Variants in ASAP1 observed in about 807,000 individuals in gnomAD.
ASAP1 encodes the protein arf-GAP with SH3 domain, ANK repeat and PH domain-containing protein 1.
In ASAP1, 43 loss-of-function variants were observed where a neutral mutation model predicts 145.2. The ratio of observed to expected loss-of-function variants is 0.30; its 90% CI spans 0.23 to 0.38. The LOEUF (loss-of-function observed/expected upper bound fraction) is 0.38, where lower values mean the gene tolerates loss of function less well. Ranked by LOEUF, ASAP1 falls within the 10% of genes least tolerant of loss-of-function variation. The pLI, the probability that ASAP1 is intolerant of heterozygous loss-of-function variation, is 1.00. For synonymous variants in ASAP1, 546 were observed against 515.5 expected, an observed-to-expected ratio of 1.06 and a Z score of -0.80; for missense variants, 1,018 against 1,355.3, an observed-to-expected ratio of 0.75 and a Z score of 3.91.
chr8:130,292,651 T>C (rs181010269), intron 3 of ASAP1, among the ~76,000 whole-genome samples: 44 of 152,314 alleles, frequency 2.9e-4, no homozygotes, highest in Admixed American at 1.7e-3. Context: ...TTCCCTGTTG[T>C]GCACCTACAC....
chr8:130,209,988 C>T (rs918987918), intron 5 of ASAP1, among the ~76,000 whole-genome samples: 1 of 152,196 alleles, frequency 6.6e-6, no homozygotes, highest in African/African-American at 2.4e-5. Context: ...CACGAGCTGA[C>T]AGTTTCCAAA....
intron 3 of ASAP1, among the ~76,000 whole-genome samples, chr8:130,336,635 A>T (rs1825053057): frequency 6.6e-6 from 1 of 152,250 alleles, no homozygotes; most frequent in East Asian, 1.9e-4. Flanking sequence ...GATGCATCAA[A>T]GAGATTCAGA....
At chr8:130,433,454 T>C (rs1830206210) in intron 1 of ASAP1, among the ~76,000 whole-genome samples, 1 of 152,194 alleles carries the variant, frequency 6.6e-6, no homozygotes, top group Non-Finnish European at 1.5e-5. Context: ...CTGGGAGGAC[T>C]CTCTCCCTTC....
chr8:130,226,373 T>G (rs1267812298), intron 4 of ASAP1, among the ~76,000 whole-genome samples: 2 of 152,214 alleles, frequency 1.3e-5, no homozygotes, highest in African/African-American at 4.8e-5. Context: ...AACTGCTGAT[T>G]ATGAGCAAAT....
At chr8:130,222,378 G>A (rs1280206677) in intron 4 of ASAP1, among the ~76,000 whole-genome samples, 3 of 152,204 alleles carry the variant, frequency 2.0e-5, no homozygotes, top group Non-Finnish European at 4.4e-5. Flanking sequence ...ATTAAGCACT[G>A]ACTAAGTAGA....
intron 24 of ASAP1, among the ~76,000 whole-genome samples, chr8:130,107,561 T>TGTA (rs1264499110): frequency 0.01 from 1,507 of 146,288 alleles, 12 homozygotes; most frequent in Middle Eastern, 0.045. Flanking sequence ...TATGTATGTA[T>TGTA]TTTTGAGATA....
chr8:130,247,628 A>G (rs1818930048), intron 3 of ASAP1, among the ~76,000 whole-genome samples: 1 of 152,154 alleles, frequency 6.6e-6, no homozygotes, highest in African/African-American at 2.4e-5. Context: ...AAACAGCTAA[A>G]GAGTAGTTGA....
At chr8:130,150,227 T>C (rs2097642852) in intron 13 of ASAP1, among the ~76,000 whole-genome samples, 1 of 152,212 alleles carries the variant, frequency 6.6e-6, no homozygotes, top group Non-Finnish European at 1.5e-5. Context: ...CTAAACAATG[T>C]GGATGATGTG....
intron 12 of ASAP1, among the ~76,000 whole-genome samples, chr8:130,154,934 T>C (rs945313620): frequency 2.6e-5 from 4 of 152,324 alleles, no homozygotes; most frequent in South Asian, 2.1e-4. Context: ...ATCTCTCAAC[T>C]AATCAGAGCC....
At chr8:130,059,732 G>A (rs190124888) in intron 28 of ASAP1, among the ~76,000 whole-genome samples, 3 of 152,168 alleles carry the variant, frequency 2.0e-5, no homozygotes, top group Admixed American at 1.3e-4. Context: ...CTATTATATC[G>A]AGAGCTTTAT....
chr8:130,187,532 CAG>C (rs2136219598), intron 6 of ASAP1, among the ~76,000 whole-genome samples: 2 of 152,010 alleles, frequency 1.3e-5, no homozygotes, highest in Middle Eastern at 3.4e-3. Flanking sequence ...CTTCCCACCT[CAG>C]CTTCCTGAGT....
chr8:130,233,716 T>C (rs1292750472), intron 4 of ASAP1, among the ~76,000 whole-genome samples: 5 of 152,226 alleles, frequency 3.3e-5, no homozygotes, highest in South Asian at 2.1e-4. Flanking sequence ...CCCAGTTTGA[T>C]GATCTGATTA....
At position 130,071,011 on chromosome 8, in the gene ASAP1, G is replaced by GAGAGAGAGA. The variant is rs1415476694; in HGVS notation, c.2701+5336_2701+5337insTCTCTCTCT. Among the ~76,000 whole-genome samples, 93 of 11,438 alleles carry GAGAGAGAGA rather than the reference G, an allele frequency of 8.1e-3. 21 individuals carry two copies. The highest frequency in any genetic ancestry group is 0.018 in the African/African-American group (40 of 2,234). The allele number at this position is 11,438 out of a possible 152,430, so 7.5% of individuals were successfully genotyped here. ...AGAGAGAGAGAGAGAGGGGAGGGGG[G>GAGAGAGAGA]GAGAGAGAGAGAGAGAGAGAGAGAG... is the stretch of plus-strand genomic sequence containing the variant. On this transcript the variant is annotated intron_variant, in intron 27 of 29. Coordinates refer to ENST00000518721, the MANE Select transcript of ASAP1 (RefSeq NM_018482.4).
intron 25 of ASAP1, among the ~76,000 whole-genome samples, chr8:130,082,431 A>G (rs2097482681): frequency 1.3e-5 from 2 of 150,096 alleles, no homozygotes; most frequent in African/African-American, 2.4e-5. Context: ...TGGACTCCTG[A>G]GACCAACTGA....
At chr8:130,322,118 G>C (rs914602235) in intron 3 of ASAP1, among the ~76,000 whole-genome samples, 2 of 152,060 alleles carry the variant, frequency 1.3e-5, no homozygotes, top group Non-Finnish European at 2.9e-5. Context: ...AATCAGCTGG[G>C]GAGAAGACAA....
Position 130,259,649 on chromosome 8 carries a change from C to T in ASAP1, c.187-22655G>A, listed in dbSNP as rs542291842. ...ACCTAATGAACCATCATTATCTTGT[C>T]ATGCTAGCTGACTAATTAGCTATGC... On this transcript the variant is annotated intron_variant, in intron 3 of 29. Coordinates refer to ENST00000518721, the MANE Select transcript of ASAP1 (RefSeq NM_018482.4). 1.2e-4 allele frequency among the ~76,000 whole-genome samples: 18 copies of T among 152,340 alleles called. No individual in the cohort carries two copies. In the East Asian group the frequency reaches 2.7e-3, roughly 23 times the overall value.
At chr8:130,279,330 TGCTTCTC>T (rs1386869213) in intron 3 of ASAP1, among the ~76,000 whole-genome samples, 66 of 152,336 alleles carry the variant, frequency 4.3e-4, no homozygotes, top group African/African-American at 1.4e-3. Flanking sequence ...TGCTGAAATC[TGCTTCTC>T]TGCCAGATCC....
At chr8:130,298,300 C>A (rs530672701) in intron 3 of ASAP1, among the ~76,000 whole-genome samples, 4 of 152,180 alleles carry the variant, frequency 2.6e-5, no homozygotes, top group African/African-American at 4.8e-5. Context: ...TGATGTACAA[C>A]ATAGATGAAG....
intron 3 of ASAP1, among the ~76,000 whole-genome samples, chr8:130,274,994 G>A (rs1423389226): frequency 6.6e-6 from 1 of 152,170 alleles, no homozygotes; most frequent in African/African-American, 2.4e-5. Context: ...TGAGACTGTA[G>A]CTCCATATTC....
Sources: gnomAD v4.1 joint callset for allele counts (sites outside exome capture counted in the v4.1 genomes callset) on GRCh38, gnomAD v4.1.1 for gene constraint, MANE v1.5 for transcripts, NCBI Gene and HGNC (gene_info 2026-07-23, HGNC 2026-07-21) for gene names.